The following NRG1 variants were observed in gnomAD, a reference collection of about 807,000 sequenced individuals.
The protein encoded by NRG1 is pro-neuregulin-1, membrane-bound isoform.
NRG1 carries 18 observed loss-of-function variants against 63.8 expected under a neutral mutation model. That is an observed-to-expected ratio of 0.28 (90% CI 0.19 to 0.42). The LOEUF is 0.42. Among genes scored for constraint, NRG1 ranks in the 10% least tolerant of loss-of-function variants. The pLI, the probability that NRG1 is intolerant of heterozygous loss-of-function variation, is 1.00. For missense variants in NRG1, 762 were observed against 814.7 expected (o/e 0.94, Z 0.79); for synonymous variants, 302 against 301.3 (o/e 1.00, Z -0.02).
At chr8:32,026,543 T>C (rs1054823905) in intron 1 of NRG1, among the ~76,000 whole-genome samples, 1 of 152,238 alleles carries the variant, frequency 6.6e-6, no homozygotes, top group Non-Finnish European at 1.5e-5. Flanking sequence ...GAATTTTCCA[T>C]TTTATTCTTG....
chr8:31,639,351 C>A, exon 1 of NRG1: 2 of 1,533,506 alleles, frequency 1.3e-6, no homozygotes, highest in Middle Eastern at 1.9e-4. Context: ...ACGGGGACGC[C>A]CAGGAGGACC....
chr8:32,342,007 T>C (rs947878079), intron 1 of NRG1, among the ~76,000 whole-genome samples: 12 of 152,184 alleles, frequency 7.9e-5, no homozygotes, highest in Non-Finnish European at 1.6e-4. Flanking sequence ...TTTTGTGTCA[T>C]TATGTGAATT....
At chr8:31,728,583 G>A (rs938122192) in intron 1 of NRG1, among the ~76,000 whole-genome samples, 2 of 151,972 alleles carry the variant, frequency 1.3e-5, no homozygotes, top group African/African-American at 2.4e-5. Context: ...AACCAAAAGG[G>A]TGCATCAATG....
intron 1 of NRG1, among the ~76,000 whole-genome samples, chr8:31,947,272 A>C (rs970196651): frequency 6.8e-6 from 1 of 147,588 alleles, no homozygotes; most frequent in African/African-American, 2.6e-5. Flanking sequence ...TGCAGTCCGC[A>C]GTCCGGCCTG....
At chr8:32,060,540 G>A (rs1189690997) in intron 1 of NRG1, among the ~76,000 whole-genome samples, 2 of 151,714 alleles carry the variant, frequency 1.3e-5, no homozygotes, top group Admixed American at 6.6e-5. Flanking sequence ...GCTTTGTTTT[G>A]GTTTTTGGTT....
At chr8:31,724,129 G>T (rs1813189917) in intron 1 of NRG1, among the ~76,000 whole-genome samples, 1 of 151,990 alleles carries the variant, frequency 6.6e-6, no homozygotes, top group Non-Finnish European at 1.5e-5. Flanking sequence ...GTTCATGACT[G>T]TCATACCAGT....
intron 7 of NRG1, chr8:32,748,648 A>G (rs1299741834): frequency 2.2e-6 from 1 of 453,056 alleles, no homozygotes; most frequent in Non-Finnish European, 4.4e-6. Context: ...GCAGCCCTGC[A>G]GGTCCTCCAA....
intron 1 of NRG1, among the ~76,000 whole-genome samples, chr8:31,930,008 T>C (rs1426702914): frequency 6.6e-6 from 1 of 152,228 alleles, no homozygotes; most frequent in African/African-American, 2.4e-5. Context: ...GCCTTGGACA[T>C]TCTGTAGCTG....
chr8:31,873,086 AG>A (rs1829626030), intron 1 of NRG1, among the ~76,000 whole-genome samples: 1 of 152,158 alleles, frequency 6.6e-6, no homozygotes, highest in Non-Finnish European at 1.5e-5. Context: ...GGCCTAGCAA[AG>A]GGTACATACA....
chr8:32,751,871 TAAC>T (rs142367243), intron 7 of NRG1, among the ~76,000 whole-genome samples: 5,460 of 152,232 alleles, frequency 0.036, 322 homozygotes, highest in African/African-American at 0.13. Context: ...CTTCTGTAAT[TAAC>T]AACAACCAAA....
intron 1 of NRG1, among the ~76,000 whole-genome samples, chr8:32,027,311 A>C (rs2130375170): frequency 6.6e-6 from 1 of 152,202 alleles, no homozygotes; most frequent in African/African-American, 2.4e-5. Flanking sequence ...TATATGCTAA[A>C]ATTTATTTGT....
At chr8:32,297,380 T>C (rs1048727457) in intron 1 of NRG1, among the ~76,000 whole-genome samples, 1 of 151,820 alleles carries the variant, frequency 6.6e-6, no homozygotes, top group African/African-American at 2.4e-5. Flanking sequence ...AAATAGTAGG[T>C]TTATCAATGC....
intron 1 of NRG1, among the ~76,000 whole-genome samples, chr8:31,754,379 G>A (rs1370805691): frequency 6.6e-6 from 1 of 152,092 alleles, no homozygotes; most frequent in East Asian, 1.9e-4. Context: ...TTAAAAGCGT[G>A]TGATGCTTCG....
chr8:32,217,213 CAAAAAAAAAAAAAAAA>C (rs538507645), intron 1 of NRG1, among the ~76,000 whole-genome samples: 2 of 101,168 alleles, frequency 2.0e-5, no homozygotes, highest in Admixed American at 1.1e-4. Context: ...GACCCTGTCT[CAAAAAAAAAAAAAAAA>C]AAAAAAAAAA....
At chr8:32,374,894 G>A (rs553833426) in intron 1 of NRG1, among the ~76,000 whole-genome samples, 15 of 152,162 alleles carry the variant, frequency 9.9e-5, no homozygotes, top group Admixed American at 3.3e-4. Context: ...CCAAGTCCTT[G>A]AGTGAGGATG....
chr8:32,552,528 T>G (rs1452210844), intron 1 of NRG1, among the ~76,000 whole-genome samples: 2 of 152,108 alleles, frequency 1.3e-5, no homozygotes, highest in Non-Finnish European at 2.9e-5. Flanking sequence ...TTTCCCTCAC[T>G]AAGTGGCTCT....
chr8:32,769,222 G>A (rs147778918), downstream of NRG1, among the ~76,000 whole-genome samples: 5 of 152,306 alleles, frequency 3.3e-5, no homozygotes, highest in Non-Finnish European at 7.4e-5. Context: ...ACTATAAGCA[G>A]CTATTGTAGT....
At chr8:32,293,718 C>CTTTTTTTTTTTTTTTTTTTT (rs770993591) in intron 1 of NRG1, among the ~76,000 whole-genome samples, 4 of 108,278 alleles carry the variant, frequency 3.7e-5, no homozygotes, top group African/African-American at 7.5e-5. Flanking sequence ...TTTTCTTCTT[C>CTTTTTTTTTTTTTTTTTTTT]TTTTTTTTTT....
intron 1 of NRG1, among the ~76,000 whole-genome samples, chr8:32,374,423 G>A (rs1264920113): frequency 6.6e-6 from 1 of 152,196 alleles, no homozygotes; most frequent in Non-Finnish European, 1.5e-5. Context: ...AAGAAATGAT[G>A]TTTAGAGAAC....
Sources: gnomAD v4.1 joint callset for allele counts (sites outside exome capture counted in the v4.1 genomes callset) on GRCh38, gnomAD v4.1.1 for gene constraint, MANE v1.5 for transcripts, NCBI Gene and HGNC (gene_info 2026-07-23, HGNC 2026-07-21) for gene names.